PLCB1: variants seen among roughly 807,000 people sequenced by gnomAD.
PLCB1 encodes phospholipase C beta 1.
Under a neutral mutation model 161.8 loss-of-function variants are expected in PLCB1, and 46 were observed. That is an observed-to-expected ratio of 0.28 (90% CI 0.22 to 0.36). The LOEUF (loss-of-function observed/expected upper bound fraction) is 0.36. PLCB1 is among the 10% of genes least tolerant of loss of function. The pLI is 1.00. For synonymous variants in PLCB1, 517 were observed against 503.7 expected (o/e 1.03, Z -0.35); for missense variants, 1,016 against 1,472.5 (o/e 0.69, Z 5.07).
At chr20:8,864,061 A>G (rs1370765967) in intron 31 of PLCB1, among the ~76,000 whole-genome samples, 2 of 152,242 alleles carry the variant, frequency 1.3e-5, no homozygotes, top group Non-Finnish European at 2.9e-5. Context: ...TTGGCATACA[A>G]TTAGACAAAA....
At chr20:8,144,152 A>C (rs1343545891) in intron 1 of PLCB1, among the ~76,000 whole-genome samples, 1 of 152,216 alleles carries the variant, frequency 6.6e-6, no homozygotes, top group Non-Finnish European at 1.5e-5. Flanking sequence ...CAATAAGTAC[A>C]TGAAAAGATG....
intron 2 of PLCB1, among the ~76,000 whole-genome samples, chr20:8,204,762 G>A (rs1160848181): frequency 6.6e-6 from 1 of 152,028 alleles, no homozygotes; most frequent in African/African-American, 2.4e-5. Context: ...TTTCTTTATA[G>A]CAATGCAAGA....
At chr20:8,232,642 C>T (rs186979677) in intron 2 of PLCB1, among the ~76,000 whole-genome samples, 6 of 152,178 alleles carry the variant, frequency 3.9e-5, no homozygotes, top group African/African-American at 9.7e-5. Flanking sequence ...TCCCCCACTT[C>T]GTGCATTCTG....
intron 3 of PLCB1, among the ~76,000 whole-genome samples, chr20:8,436,987 A>C (rs2122597888): frequency 6.6e-6 from 1 of 152,078 alleles, no homozygotes; most frequent in South Asian, 2.1e-4. Flanking sequence ...ATGAGCTTTC[A>C]CCATATTGGC....
Position 8,527,066 on chromosome 20 carries a change from T to TGATGCCAGACACATCC in PLCB1, c.247-101227_247-101226insATGCCAGACACATCCG, listed in dbSNP as rs1984613557. Among the ~76,000 whole-genome samples the TGATGCCAGACACATCC allele has an allele frequency of 6.6e-5, 10 of 152,048 alleles. 1 individual carries two copies. Among genetic ancestry groups the TGATGCCAGACACATCC allele is most frequent in the Admixed American group, 2.6e-4 (4 of 15,256 alleles). On this transcript the variant is annotated intron_variant, in intron 3 of 31. Transcript: ENST00000338037. The stretch of plus-strand genomic sequence containing the variant: ...TATGGGCAGTGGTGTCAGACACATC[T>TGATGCCAGACACATCC]GGGTGATGCCAGACACACTTGAGTA...
chr20:8,729,200 G>C (rs1395555852), intron 18 of PLCB1, 26 bp downstream of exon 18: 1 of 1,560,914 alleles, frequency 6.4e-7, no homozygotes, highest in Non-Finnish European at 8.7e-7. Context: ...TTCCCATTCT[G>C]CTATGAACTC....
At chr20:8,799,543 A>T (rs1412801536) in intron 31 of PLCB1, among the ~76,000 whole-genome samples, 2 of 152,146 alleles carry the variant, frequency 1.3e-5, no homozygotes, top group East Asian at 3.9e-4. Flanking sequence ...ATTTTGATAT[A>T]ACCAGGATAG....
At chr20:8,199,086 AGT>A (rs199985436) in intron 2 of PLCB1, among the ~76,000 whole-genome samples, 51 of 151,800 alleles carry the variant, frequency 3.4e-4, no homozygotes, top group African/African-American at 1.0e-3. Flanking sequence ...ATTTACCAAA[AGT>A]GTGTGTGTGT....
At chr20:8,528,783 A>G (rs1984679588) in intron 3 of PLCB1, among the ~76,000 whole-genome samples, 1 of 151,940 alleles carries the variant, frequency 6.6e-6, no homozygotes. Flanking sequence ...CATGACCAAT[A>G]CTAGATAATA....
At chr20:8,169,490 T>G in intron 2 of PLCB1, among the ~76,000 whole-genome samples, 1 of 152,306 alleles carries the variant, frequency 6.6e-6, no homozygotes, top group South Asian at 2.1e-4. Context: ...CTACTGATTT[T>G]TAGGATAAAT....
At chr20:8,157,909 A>G (rs1233016561) in intron 2 of PLCB1, among the ~76,000 whole-genome samples, 2 of 152,226 alleles carry the variant, frequency 1.3e-5, no homozygotes, top group African/African-American at 4.8e-5. Context: ...GTTTTAATAT[A>G]TTGTAACCAG....
At chr20:8,217,534 A>C (rs1054178813) in intron 2 of PLCB1, among the ~76,000 whole-genome samples, 3 of 152,042 alleles carry the variant, frequency 2.0e-5, no homozygotes, top group African/African-American at 7.2e-5. Flanking sequence ...AAGTGATAGG[A>C]AGGAATTTGT....
chr20:8,584,698 C>G (rs1395791371), intron 3 of PLCB1, among the ~76,000 whole-genome samples: 2 of 149,484 alleles, frequency 1.3e-5, no homozygotes, highest in East Asian at 3.9e-4. Context: ...TCAAGATTCT[C>G]TTTTTTTTTT....
intron 3 of PLCB1, among the ~76,000 whole-genome samples, chr20:8,580,928 G>A (rs1986814914): frequency 6.6e-6 from 1 of 152,182 alleles, no homozygotes; most frequent in Non-Finnish European, 1.5e-5. Flanking sequence ...GTCATAAGAA[G>A]CTACAAACAT....
chr20:8,742,610 A>G (rs1030473230), intron 23 of PLCB1, among the ~76,000 whole-genome samples: 2 of 152,178 alleles, frequency 1.3e-5, no homozygotes, highest in Non-Finnish European at 2.9e-5. Flanking sequence ...TTTATGCACA[A>G]TTGTTACTCT....
chr20:8,321,750 T>TA (rs1984929902), intron 2 of PLCB1, among the ~76,000 whole-genome samples: 2 of 152,112 alleles, frequency 1.3e-5, no homozygotes, highest in South Asian at 4.1e-4. Flanking sequence ...AATCCCACAT[T>TA]AAATGCCACC....
intron 3 of PLCB1, among the ~76,000 whole-genome samples, chr20:8,526,933 A>G (rs1379818335): frequency 7.5e-6 from 1 of 133,004 alleles, no homozygotes; most frequent in East Asian, 1.9e-4. Flanking sequence ...AGCTTTTAAT[A>G]AAGAGCAGAG....
At chr20:8,523,213 AGT>A (rs1447516107) in intron 3 of PLCB1, among the ~76,000 whole-genome samples, 1 of 151,824 alleles carries the variant, frequency 6.6e-6, no homozygotes, top group Non-Finnish European at 1.5e-5. Flanking sequence ...CCCTCCCCTC[AGT>A]GTTTACTGAA....
intron 3 of PLCB1, among the ~76,000 whole-genome samples, chr20:8,446,495 G>T (rs1980835292): frequency 6.6e-6 from 1 of 152,156 alleles, no homozygotes; most frequent in East Asian, 1.9e-4. Context: ...TTGAAAACTG[G>T]CACAAGACAG....
Sources: gnomAD v4.1 joint callset for allele counts (sites outside exome capture counted in the v4.1 genomes callset) on GRCh38, gnomAD v4.1.1 for gene constraint, MANE v1.5 for transcripts, NCBI Gene and HGNC (gene_info 2026-07-23, HGNC 2026-07-21) for gene names.